Variants in ETAA1 observed in about 807,000 individuals in gnomAD.
ETAA1 encodes ETAA1 activator of ATR kinase, also known as ewing's tumor-associated antigen 1.
A neutral mutation model predicts 76.8 loss-of-function variants in ETAA1; 49 were observed. The observed-to-expected ratio is 0.64, with a 90% CI of 0.51 to 0.81. ETAA1 has a LOEUF of 0.81. Ranked by LOEUF, ETAA1 falls within the 30% of genes least tolerant of loss-of-function variation. ETAA1 has a pLI of 0.00. For missense variants in ETAA1, 1,099 were observed against 1,074.0 expected, an observed-to-expected ratio of 1.02 and a Z score of -0.32; for synonymous variants, 373 against 372.2, an observed-to-expected ratio of 1.00 and a Z score of -0.03.
At chr2:67,398,350 T>C (rs960237894) in intron 1 of ETAA1, among the ~76,000 whole-genome samples, 7 of 151,580 alleles carry the variant, frequency 4.6e-5, no homozygotes, top group Non-Finnish European at 8.8e-5. Context: ...GTCTTTTTTC[T>C]TTTGGGAAAG....
At chr2:67,408,234 A>G (rs367638254) in intron 5 of ETAA1, among the ~76,000 whole-genome samples, 1 of 152,160 alleles carries the variant, frequency 6.6e-6, no homozygotes, top group South Asian at 2.1e-4. Flanking sequence ...TTCAGGCAGG[A>G]GTTGGCAAAC....
chr2:67,410,237 CA>C lies in ETAA1; in HGVS notation c.*203del, dbSNP rs745444256. 2 of 535,234 alleles carry C rather than the reference CA, an allele frequency of 3.7e-6. No homozygotes were observed. The highest frequency in any genetic ancestry group is 6.3e-6 in the Non-Finnish European group (2 of 315,092). 33.2% of individuals were successfully genotyped at this position (535,234 alleles called of 1,614,324 possible). On this transcript the variant is annotated 3_prime_UTR_variant, in exon 6 of 6. Transcript: ENST00000272342. Reference sequence around the variant, plus strand: ...ACATGTATTTGAAAGTCATTAAATACAAAAGTTTTGGAAATTCAGGAAAGTT... The same window carrying C: ...ACATGTATTTGAAAGTCATTAAATACAAAGTTTTGGAAATTCAGGAAAGTT...
intron 2 of ETAA1, 119 bp downstream of exon 2, chr2:67,399,416 TGTATAA>T (rs1675991501): frequency 5.3e-6 from 6 of 1,139,970 alleles, no homozygotes; most frequent in African/African-American, 4.7e-5. Context: ...TGATTTTATC[TGTATAA>T]GTATGTGATG....
chr2:67,397,834 G>A (rs1675925023), intron 1 of ETAA1, among the ~76,000 whole-genome samples, 163 bp downstream of exon 1: 1 of 152,156 alleles, frequency 6.6e-6, no homozygotes, highest in African/African-American at 2.4e-5. Flanking sequence ...ACTCCCCGAT[G>A]GGCTTTTGTC....
At chr2:67,399,504 G>C in intron 2 of ETAA1, 46 bp from the exon 3 acceptor site, 1 of 1,442,482 alleles carries the variant, frequency 6.9e-7, no homozygotes, top group Non-Finnish European at 9.6e-7. Context: ...TTTTAAAATG[G>C]AGGGTTTTTT....
chr2:67,399,015 C>T (rs1447330882), intron 1 of ETAA1, among the ~76,000 whole-genome samples, 154 bp from the exon 2 acceptor site: 7 of 152,114 alleles, frequency 4.6e-5, no homozygotes, highest in Non-Finnish European at 1.0e-4. Context: ...TTATGTGAAA[C>T]AAGCATTTCT....
At chr2:67,407,522 A>G (rs962647881) in intron 5 of ETAA1, among the ~76,000 whole-genome samples, 1 of 152,144 alleles carries the variant, frequency 6.6e-6, no homozygotes, top group Non-Finnish European at 1.5e-5. Flanking sequence ...ATTTACAGAT[A>G]GAGTTGACCC....
At chr2:67,408,825 A>G (rs1298435946) in intron 5 of ETAA1, among the ~76,000 whole-genome samples, 1 of 152,104 alleles carries the variant, frequency 6.6e-6, no homozygotes, top group Non-Finnish European at 1.5e-5. Flanking sequence ...CTTTCCACAC[A>G]GTCAAATTCA....
chr2:67,410,328 G>T lies in ETAA1; in HGVS notation c.*290G>T. 4.4e-6 allele frequency: 1 copy of T among 224,852 alleles called. No individual in the cohort carries two copies. Among genetic ancestry groups the T allele is most frequent in the Non-Finnish European group, 8.6e-6 (1 of 116,574 alleles). The allele number at this position is 224,852 out of a possible 1,614,324, so 13.9% of individuals were successfully genotyped here. Reference sequence around the variant, plus strand: ...TATTTTTAAATGCTATTATTGCAGAGGATCATCAAAAAAGAGGTAATCTAC... The same window carrying T: ...TATTTTTAAATGCTATTATTGCAGATGATCATCAAAAAAGAGGTAATCTAC... On this transcript the variant is annotated 3_prime_UTR_variant, in exon 6 of 6. Coordinates refer to ENST00000272342, the MANE Select transcript of ETAA1 (RefSeq NM_019002.4).
intron 5 of ETAA1, among the ~76,000 whole-genome samples, chr2:67,405,999 T>C (rs1182178641): frequency 6.6e-6 from 1 of 152,230 alleles, no homozygotes; most frequent in Admixed American, 6.5e-5. Flanking sequence ...TGCAGTTCTT[T>C]TATCTATCTC....
chr2:67,409,989 C>T lies in ETAA1; in HGVS notation c.2732C>T (p.Ala911Val). 1 of 1,610,042 alleles carries T rather than the reference C, an allele frequency of 6.2e-7. No individual in the cohort carries two copies. The highest frequency in any genetic ancestry group is 2.2e-5 in the East Asian group (1 of 44,686). ...CAAGAAGCACTGGTTCGGAGAATGG[C>T]TAAAGCACGAGCCTCATCTGTAAAT... ...KRQEALVRRM[A>V]KARASSVNAA... The change falls in exon 6 of 6, where the codon GCT (alanine) becomes GTT (valine). Residue 911 changes from alanine to valine, a missense_variant. By Grantham distance (64) the Ala-to-Val change is moderately conservative. This residue lies in a region of ETAA1 where 302 missense variants were observed against 278.1 expected (regional missense o/e 1.09). Transcript: ENST00000272342.
At position 67,404,863 on chromosome 2, in the gene ETAA1, T is replaced by C. The variant is rs1558581745; in HGVS notation, c.2181T>C (p.Ser727=). The C allele has an allele frequency of 2.5e-6, 4 of 1,612,896 alleles. No individual in the cohort carries two copies. Among genetic ancestry groups the C allele is most frequent in the South Asian group, 1.1e-5 (1 of 91,044 alleles). ...AGAAAGGGGAAATGTATGGAAATTCTCCAAGATTTTTAGGTGCCACAAATT... is the reference window on the plus strand; with the variant it reads ...AGAAAGGGGAAATGTATGGAAATTCCCCAAGATTTTTAGGTGCCACAAATT... ...KMEKGEMYGN[S]PRFLGATNLT... The change falls in exon 5 of 6, where the codon TCT becomes TCC. Residue 727 remains serine (S), a synonymous_variant. Transcript: ENST00000272342.
intron 5 of ETAA1, among the ~76,000 whole-genome samples, chr2:67,407,759 ATAT>A (rs1317695301): frequency 5.9e-5 from 9 of 152,168 alleles, no homozygotes; most frequent in African/African-American, 1.9e-4. Flanking sequence ...AGAGAAAATA[ATAT>A]TTACTATTCA....
intron 1 of ETAA1, among the ~76,000 whole-genome samples, chr2:67,398,154 CTG>C (rs1207476912): frequency 6.6e-6 from 1 of 152,146 alleles, no homozygotes; most frequent in African/African-American, 2.4e-5. Context: ...CCGGAAGTTC[CTG>C]TGTGTAACAT....
rs1223566064 is a variant in ETAA1, at chr2:67,403,292, G to A, written c.610G>A (p.Glu204Lys). 1.3e-6 allele frequency: 2 copies of A among 1,597,254 alleles called. No individual in the cohort carries two copies. Among genetic ancestry groups the A allele is most frequent in the Non-Finnish European group, 1.7e-6 (2 of 1,174,216 alleles). ...LAKQFDKNME[E>K]LDVIQEQNKR... ...TAAACAATTTGATAAAAATATGGAA[G>A]AGCTAGATGTGATTCAAGAGCAAAA... The change falls in exon 5 of 6, where the codon GAG (glutamate) becomes AAG (lysine). Residue 204 changes from glutamate (E) to lysine (K), a missense_variant. By Grantham distance (56) the Glu-to-Lys change is moderately conservative. This residue lies in a region of ETAA1 where 761 missense variants were observed against 731.9 expected (regional missense o/e 1.04). Transcript: ENST00000272342.
chr2:67,403,499 C>T lies in ETAA1; in HGVS notation c.817C>T (p.Pro273Ser). ...VANNQNSSQKPFDQIAEAAFN... is the reference protein window; with the variant it reads ...VANNQNSSQKSFDQIAEAAFN... ...AAATAATCAAAATAGCAGTCAGAAG[C>T]CATTTGACCAAATTGCTGAAGCAGC... The change falls in exon 5 of 6, where the codon CCA becomes TCA. Residue 273 changes from proline (P) to serine (S), a missense_variant. Physicochemically the swap from Pro to Ser is moderately conservative, Grantham distance 74. This residue lies in a region of ETAA1 where 761 missense variants were observed against 731.9 expected (regional missense o/e 1.04). Coordinates refer to ENST00000272342, the MANE Select transcript of ETAA1 (RefSeq NM_019002.4). 6.2e-7 allele frequency: 1 copy of T among 1,613,464 alleles called. No homozygotes were observed. The highest frequency in any genetic ancestry group is 8.5e-7 in the Non-Finnish European group (1 of 1,179,502).
intron 1 of ETAA1, among the ~76,000 whole-genome samples, chr2:67,398,489 C>T (rs1337377596): frequency 1.3e-5 from 2 of 151,920 alleles, no homozygotes; most frequent in Non-Finnish European, 2.9e-5. Flanking sequence ...GCGTGTGCCA[C>T]CTCGCCCGGC....
intron 3 of ETAA1, 48 bp downstream of exon 3, chr2:67,399,674 G>T (rs1675999588): frequency 2.3e-6 from 3 of 1,279,856 alleles, no homozygotes; most frequent in Non-Finnish European, 3.3e-6. Context: ...TGAAGAATGT[G>T]CCACTAAGTT....
intron 1 of ETAA1, among the ~76,000 whole-genome samples, chr2:67,398,331 A>G (rs1159709887): frequency 2.5e-5 from 2 of 79,826 alleles, no homozygotes; most frequent in African/African-American, 1.0e-4. Flanking sequence ...TTTTTTTTAT[A>G]CCTTACGTGT....
Sources: gnomAD v4.1 joint callset for allele counts (sites outside exome capture counted in the v4.1 genomes callset) on GRCh38, gnomAD v4.1.1 for gene constraint, gnomAD v4.1.1 regional missense constraint, MANE v1.5 for transcripts, NCBI Gene and HGNC (gene_info 2026-07-23, HGNC 2026-07-21) for gene names.